FRMD5: variants seen among roughly 807,000 people sequenced by gnomAD.
FRMD5 encodes the protein FERM domain-containing protein 5.
FRMD5 carries 20 observed loss-of-function variants against 69.0 expected under a neutral mutation model. The ratio of observed to expected loss-of-function variants is 0.29; its 90% confidence interval spans 0.20 to 0.42. The LOEUF (loss-of-function observed/expected upper bound fraction) is 0.42. Ranked by LOEUF, FRMD5 falls within the 10% of genes least tolerant of loss-of-function variation. The pLI, the probability that FRMD5 is intolerant of heterozygous loss-of-function variation, is 1.00. For missense variants in FRMD5, 595 were observed against 708.6 expected, an observed-to-expected ratio of 0.84 and a Z score of 1.82; for synonymous variants, 271 against 260.1, an observed-to-expected ratio of 1.04 and a Z score of -0.40.
intron 7 of FRMD5, chr15:43,901,772 T>C (rs2089051214): frequency 5.1e-6 from 1 of 194,570 alleles, no homozygotes; most frequent in African/African-American, 2.4e-5. Flanking sequence ...GTGCAGTGAC[T>C]TATGCCACTG....
chr15:44,101,773 G>A (rs934848555), intron 1 of FRMD5, among the ~76,000 whole-genome samples: 10 of 152,188 alleles, frequency 6.6e-5, no homozygotes, highest in Non-Finnish European at 1.5e-4. Context: ...TAAAGGAAAG[G>A]TGGTTATGAC....
chr15:44,189,558 G>A (rs901766101), intron 1 of FRMD5, among the ~76,000 whole-genome samples: 2 of 150,648 alleles, frequency 1.3e-5, no homozygotes, highest in East Asian at 3.9e-4. Flanking sequence ...GTGCTATCTC[G>A]GCTCACTGCA....
chr15:43,951,750 G>A (rs2090032692), intron 1 of FRMD5, among the ~76,000 whole-genome samples: 1 of 152,176 alleles, frequency 6.6e-6, no homozygotes, highest in African/African-American at 2.4e-5. Context: ...TTGTTGTGAT[G>A]AGTGATGCTC....
At chr15:43,958,775 A>G (rs2032160418) in intron 1 of FRMD5, among the ~76,000 whole-genome samples, 1 of 152,142 alleles carries the variant, frequency 6.6e-6, no homozygotes, top group African/African-American at 2.4e-5. Context: ...AGGAAGATTC[A>G]TTGCTTTACA....
At chr15:44,007,325 C>A (rs1343215635) in intron 1 of FRMD5, among the ~76,000 whole-genome samples, 3 of 152,206 alleles carry the variant, frequency 2.0e-5, no homozygotes, top group Admixed American at 1.3e-4. Flanking sequence ...TGCTTTATTG[C>A]ACTATCCACT....
chr15:44,025,879 C>A (rs564621027), intron 1 of FRMD5, among the ~76,000 whole-genome samples: 38 of 152,258 alleles, frequency 2.5e-4, no homozygotes, highest in Admixed American at 1.6e-3. Flanking sequence ...AGTTCTGAAA[C>A]CTGATCCAGG....
chr15:44,046,222 G>C (rs893452579), intron 1 of FRMD5, among the ~76,000 whole-genome samples: 1 of 152,028 alleles, frequency 6.6e-6, no homozygotes, highest in Admixed American at 6.6e-5. Context: ...AAAAAGATGT[G>C]AACATTTTAA....
chr15:44,035,769 A>AT (rs1891879954), intron 1 of FRMD5, among the ~76,000 whole-genome samples: 1 of 152,138 alleles, frequency 6.6e-6, no homozygotes, highest in African/African-American at 2.4e-5. Flanking sequence ...TGTTGATCCC[A>AT]TTTTTTAAAA....
chr15:44,099,622 T>A (rs2076607388), intron 1 of FRMD5, among the ~76,000 whole-genome samples: 1 of 152,192 alleles, frequency 6.6e-6, no homozygotes. Flanking sequence ...TTCCTCAAAA[T>A]TTGCTTGGCA....
At chr15:44,104,577 A>G (rs1036055419) in intron 1 of FRMD5, among the ~76,000 whole-genome samples, 1 of 152,148 alleles carries the variant, frequency 6.6e-6, no homozygotes, top group Non-Finnish European at 1.5e-5. Flanking sequence ...TTGATGTTTT[A>G]CTGTACTTTT....
chr15:44,163,556 T>C (rs2077658179), intron 1 of FRMD5, among the ~76,000 whole-genome samples: 1 of 152,222 alleles, frequency 6.6e-6, no homozygotes, highest in Non-Finnish European at 1.5e-5. Flanking sequence ...ATTTGTTAAC[T>C]GCTCTGGAGT....
chr15:43,920,241 G>A (rs1041488756), intron 2 of FRMD5, among the ~76,000 whole-genome samples: 1 of 152,112 alleles, frequency 6.6e-6, no homozygotes, highest in Non-Finnish European at 1.5e-5. Flanking sequence ...TTTTGGCAGG[G>A]GAGTGGGAAT....
intron 1 of FRMD5, among the ~76,000 whole-genome samples, chr15:44,184,030 C>T (rs1413292792): frequency 6.6e-6 from 1 of 152,028 alleles, no homozygotes; most frequent in African/African-American, 2.4e-5. Flanking sequence ...ACCTGCTTCT[C>T]CAGATTCTCC....
chr15:43,900,602 G>A (rs1405026834), intron 7 of FRMD5, among the ~76,000 whole-genome samples: 1 of 151,230 alleles, frequency 6.6e-6, no homozygotes, highest in Non-Finnish European at 1.5e-5. Flanking sequence ...CTATGTCACT[G>A]TGCTCATTCA....
intron 5 of FRMD5, among the ~76,000 whole-genome samples, chr15:43,906,603 T>G (rs184902420): frequency 1.4e-4 from 22 of 152,102 alleles, no homozygotes; most frequent in East Asian, 1.2e-3. Flanking sequence ...AGTTCTTTTT[T>G]TTTGTTTGTT....
intron 1 of FRMD5, among the ~76,000 whole-genome samples, chr15:44,007,438 T>G (rs1222323510): frequency 1.3e-5 from 2 of 152,092 alleles, no homozygotes; most frequent in Non-Finnish European, 2.9e-5. Context: ...AGAATTTCAT[T>G]TGGAGTTAAT....
At chr15:44,086,210 T>C (rs1894190989) in intron 1 of FRMD5, among the ~76,000 whole-genome samples, 1 of 152,182 alleles carries the variant, frequency 6.6e-6, no homozygotes, top group Admixed American at 6.5e-5. Flanking sequence ...ATTCCACTTC[T>C]AGGAATACAC....
At chr15:44,017,552 G>C (rs1341457743) in intron 1 of FRMD5, among the ~76,000 whole-genome samples, 1 of 151,728 alleles carries the variant, frequency 6.6e-6, no homozygotes, top group Admixed American at 6.6e-5. Flanking sequence ...TAAATCAGTT[G>C]CCATGTATTG....
intron 1 of FRMD5, among the ~76,000 whole-genome samples, chr15:43,985,764 T>C (rs1445754356): frequency 6.6e-6 from 1 of 152,138 alleles, no homozygotes; most frequent in East Asian, 1.9e-4. Flanking sequence ...AAATCAGTAT[T>C]TCAAACAAAC....
Sources: gnomAD v4.1 joint callset for allele counts (sites outside exome capture counted in the v4.1 genomes callset) on GRCh38, gnomAD v4.1.1 for gene constraint, MANE v1.5 for transcripts, NCBI Gene and HGNC (gene_info 2026-07-23, HGNC 2026-07-21) for gene names.